ARHGEF10: variants seen among roughly 807,000 people sequenced by gnomAD.
The protein encoded by ARHGEF10 is Rho guanine nucleotide exchange factor 10.
A neutral mutation model predicts 147.4 loss-of-function variants in ARHGEF10; 140 were observed. The ratio of observed to expected loss-of-function variants is 0.95; its 90% CI spans 0.83 to 1.09. The LOEUF is 1.09. ARHGEF10 is among the 50% of genes least tolerant of loss of function. The probability of loss-of-function intolerance (pLI) is 0.00; values close to 1 mark genes in which losing one functional copy is unlikely to be tolerated. For synonymous variants in ARHGEF10, 902 were observed against 695.8 expected (o/e 1.30, Z -4.67); for missense variants, 2,222 against 1,752.7 (o/e 1.27, Z -4.78).
intron 15 of ARHGEF10, among the ~76,000 whole-genome samples, chr8:1,901,954 A>G (rs966162720): frequency 6.6e-6 from 1 of 150,878 alleles, no homozygotes; most frequent in Non-Finnish European, 1.5e-5. Flanking sequence ...TCCTATAAAC[A>G]TGTCAAAGAT....
At chr8:1,881,688 G>T (rs570518060) in intron 9 of ARHGEF10, among the ~76,000 whole-genome samples, 13 of 152,174 alleles carry the variant, frequency 8.5e-5, no homozygotes, top group Non-Finnish European at 1.6e-4. Context: ...GCCCTCAGGC[G>T]TTTGGAAGTC....
chr8:1,892,028 T>C (rs1018271684), intron 11 of ARHGEF10, among the ~76,000 whole-genome samples: 1 of 148,982 alleles, frequency 6.7e-6, no homozygotes, highest in Non-Finnish European at 1.5e-5. Context: ...ATATATAACA[T>C]ATTATATATA....
intron 2 of ARHGEF10, among the ~76,000 whole-genome samples, chr8:1,844,402 G>A (rs1804356232): frequency 1.3e-5 from 2 of 152,134 alleles, no homozygotes; most frequent in African/African-American, 2.4e-5. Flanking sequence ...GTAGATGACA[G>A]AGACGGGAGA....
At chr8:1,932,299 G>T (rs1475784812) in intron 25 of ARHGEF10, among the ~76,000 whole-genome samples, 1 of 152,212 alleles carries the variant, frequency 6.6e-6, no homozygotes, top group Non-Finnish European at 1.5e-5. Context: ...AGGTGTGTAT[G>T]CATGTATGCA....
Position 1,956,931 on chromosome 8 carries a change from G to A in ARHGEF10, c.3703G>A (p.Gly1235Ser). 6.2e-7 allele frequency: 1 copy of A among 1,614,184 alleles called. No homozygotes were observed. Among genetic ancestry groups the A allele is most frequent in the Non-Finnish European group, 8.5e-7 (1 of 1,180,034 alleles). ...SGGAGSSLSQ[G>S]DPDAAIWLGD... ...AGGAGCTGGTTCATCTCTGAGCCAGGGTGACCCTGACGCAGCCATCTGGTT... is the reference window on the plus strand; with the variant it reads ...AGGAGCTGGTTCATCTCTGAGCCAGAGTGACCCTGACGCAGCCATCTGGTT... Residue 1235 changes from glycine to serine, a missense_variant, in exon 29 of 29, where the codon GGT becomes AGT. Transcript: ENST00000349830.
At chr8:1,843,628 G>A (rs1191563241) in intron 2 of ARHGEF10, among the ~76,000 whole-genome samples, 192 bp downstream of exon 2, 1 of 152,210 alleles carries the variant, frequency 6.6e-6, no homozygotes, top group Admixed American at 6.5e-5. Flanking sequence ...GGGCATCCTG[G>A]GTGAGCCTCT....
Position 1,897,452 on chromosome 8 carries a change from C to G in ARHGEF10, c.1558-981C>G, listed in dbSNP as rs914814638. Among the ~76,000 whole-genome samples the G allele has an allele frequency of 2.6e-4, 36 of 135,922 alleles. No individual in the cohort carries two copies. The East Asian group carries it at 4.7e-3, about 18-fold the overall frequency. 89.2% of individuals were successfully genotyped at this position (135,922 alleles called of 152,430 possible). ...GGGATCGGATCGCAGTTCCCACTCT[C>G]GACAGTTGTGGGCTCTGTCCTAAGG... On this transcript the variant is annotated intron_variant, in intron 14 of 28. Coordinates refer to ENST00000349830, the MANE Select transcript of ARHGEF10 (RefSeq NM_014629.4).
intron 1 of ARHGEF10, among the ~76,000 whole-genome samples, chr8:1,842,472 C>G (rs561584094): frequency 1.3e-5 from 2 of 152,328 alleles, no homozygotes; most frequent in Admixed American, 1.3e-4. Flanking sequence ...GGTGACCACC[C>G]TGGGCATGGG....
intron 26 of ARHGEF10, among the ~76,000 whole-genome samples, chr8:1,934,190 G>A (rs1813381146): frequency 6.6e-6 from 1 of 152,006 alleles, no homozygotes; most frequent in East Asian, 1.9e-4. Context: ...TAGCTGGGTA[G>A]GGCAGTGCGC....
At chr8:1,851,466 C>CACACAG (rs1805144881) in intron 2 of ARHGEF10, among the ~76,000 whole-genome samples, 1 of 151,232 alleles carries the variant, frequency 6.6e-6, no homozygotes, top group Non-Finnish European at 1.5e-5. Flanking sequence ...GTTGGCTTCT[C>CACACAG]AGTTGCAACA....
Position 1,860,184 on chromosome 8 carries a change from G to C in ARHGEF10, c.481G>C (p.Glu161Gln). 1 of 1,612,376 alleles carries C rather than the reference G, an allele frequency of 6.2e-7. No individual in the cohort carries two copies. The highest frequency in any genetic ancestry group is 1.1e-5 in the South Asian group (1 of 91,052). Reference sequence around the variant, plus strand: ...CTGCGCCACGTCCCTGGACGAAGAAGGTACTGCTACCCTCCTCTCCACGCC... The same window carrying C: ...CTGCGCCACGTCCCTGGACGAAGAACGTACTGCTACCCTCCTCTCCACGCC... ...IICATSLDEE[E>Q]TPEVTEDRQP... The change falls in exon 4 of 29, where the codon GAA (glutamate) becomes CAA (glutamine). Residue 161 changes from glutamate to glutamine, a missense_variant and splice_region_variant. Coordinates refer to ENST00000349830, the MANE Select transcript of ARHGEF10 (RefSeq NM_014629.4).
At position 1,937,264 on chromosome 8, in the gene ARHGEF10, G is replaced by A. The variant is rs1813690268; in HGVS notation, c.3222+3322G>A. Among the ~76,000 whole-genome samples the A allele has an allele frequency of 6.6e-6, 1 of 152,176 alleles. No homozygotes were observed. Among genetic ancestry groups the A allele is most frequent in the Non-Finnish European group, 1.5e-5 (1 of 68,040 alleles). On this transcript the variant is annotated intron_variant, in intron 26 of 28. Transcript: ENST00000349830. The surrounding 1 kb of genome is among the most constrained non-coding windows in gnomAD (Gnocchi z 4.9). Reference sequence around the variant, plus strand: ...CGTGGGGAGCCAGGGATTAGCTAGTGCGGCCATGCAGGGTAGCCCCGTGGA... The same window carrying A: ...CGTGGGGAGCCAGGGATTAGCTAGTACGGCCATGCAGGGTAGCCCCGTGGA...
intron 7 of ARHGEF10, chr8:1,876,005 G>C (rs999165823): frequency 6.3e-6 from 1 of 159,836 alleles, no homozygotes; most frequent in Non-Finnish European, 1.4e-5. Flanking sequence ...GGAGTTTGAA[G>C]AATGTCATTT....
chr8:1,847,899 A>T (rs773219610), intron 2 of ARHGEF10, among the ~76,000 whole-genome samples: 15 of 152,250 alleles, frequency 9.9e-5, no homozygotes, highest in Non-Finnish European at 2.1e-4. Context: ...TGATCTTAAA[A>T]AATGAGTATT....
Position 1,956,990 on chromosome 8 carries a change from C to T in ARHGEF10, c.3762C>T (p.Ser1254=), listed in dbSNP as rs764863519. ...GDSLGSMTQK[S]DLSSSSGSLS... ...CGCTGGGATCGATGACTCAGAAAAG[C>T]GACCTGTCCTCCTCATCTGGGTCCC... The change falls in exon 29 of 29, where the codon AGC becomes AGT. Residue 1254 remains serine (S), a synonymous_variant. Transcript: ENST00000349830. The T allele has an allele frequency of 2.7e-5, 43 of 1,614,156 alleles. No homozygotes were observed. Among genetic ancestry groups the T allele is most frequent in the Middle Eastern group, 3.3e-4 (2 of 6,062 alleles).
rs538695275 is a variant in ARHGEF10, at chr8:1,903,821, C to T, written c.1821+370C>T. The T allele has an allele frequency of 7.6e-5, 25 of 328,090 alleles. No homozygotes were observed. The East Asian group carries it at 2.0e-3, about 26-fold the overall frequency. 20.3% of individuals were successfully genotyped at this position (328,090 alleles called of 1,614,324 possible). On this transcript the variant is annotated intron_variant, in intron 16 of 28. Coordinates refer to ENST00000349830, the MANE Select transcript of ARHGEF10 (RefSeq NM_014629.4). ...GCTGAAAATATTTACAGGCTAGGCACAGTGGCTCACACCTGTAAGCCCAGC... is the reference window on the plus strand; with the variant it reads ...GCTGAAAATATTTACAGGCTAGGCATAGTGGCTCACACCTGTAAGCCCAGC...
intron 11 of ARHGEF10, among the ~76,000 whole-genome samples, chr8:1,888,133 GCGAGGAGACAC>G (rs1808883123): frequency 3.4e-5 from 3 of 87,854 alleles, no homozygotes; most frequent in African/African-American, 5.6e-5. Flanking sequence ...GTGAGGGTTT[GCGAGGAGACAC>G]TTAGTGGGGC....
In ARHGEF10 at chr8:1,891,991, A is replaced by G. The variant is rs186796911; in HGVS notation, c.1183-1578A>G. Reference sequence around the variant, plus strand: ...AATAATACATATACATAATATAGGTACACATATCAATAATATATATAGTAT... The same window carrying G: ...AATAATACATATACATAATATAGGTGCACATATCAATAATATATATAGTAT... On this transcript the variant is annotated intron_variant, in intron 11 of 28. Transcript: ENST00000349830. Among the ~76,000 whole-genome samples, 347 of 148,930 alleles carry G rather than the reference A, an allele frequency of 2.3e-3. 5 individuals are homozygous for G. Among genetic ancestry groups the G allele is most frequent in the Non-Finnish European group, 3.4e-4 (23 of 67,400 alleles).
intron 10 of ARHGEF10, among the ~76,000 whole-genome samples, chr8:1,884,009 C>T (rs558221852): frequency 6.6e-6 from 1 of 152,222 alleles, no homozygotes; most frequent in East Asian, 1.9e-4. Context: ...GTCTGAGAAG[C>T]CCGGAGTCAG....
Sources: allele counts gnomAD v4.1 joint callset (sites outside exome capture counted in the v4.1 genomes callset), GRCh38; gene constraint gnomAD v4.1.1; non-coding constraint Gnocchi (gnomAD v3.1); transcripts MANE v1.5; gene names NCBI Gene and HGNC (gene_info 2026-07-23, HGNC 2026-07-21).